Variants in CEP43 observed in about 807,000 individuals in gnomAD.
CEP43 encodes FGFR1 oncogene partner.
Under a neutral mutation model 52.6 loss-of-function variants are expected in CEP43, and 36 were observed. The ratio of observed to expected loss-of-function variants is 0.68; its 90% confidence interval spans 0.52 to 0.90. The LOEUF is 0.90. CEP43 is among the 40% of genes least tolerant of loss of function. The pLI is 0.00. For synonymous variants in CEP43, 192 were observed against 172.4 expected (o/e 1.11, Z -0.89); for missense variants, 506 against 472.8 (o/e 1.07, Z -0.65).
At chr6:167,023,783 G>C (rs1218737672) in intron 8 of CEP43, among the ~76,000 whole-genome samples, 1 of 152,150 alleles carries the variant, frequency 6.6e-6, no homozygotes, top group African/African-American at 2.4e-5. Context: ...GTATGATGCC[G>C]TTGGATTTAG....
chr6:167,024,058 TGTAAG>T (rs1780298515), intron 8 of CEP43, among the ~76,000 whole-genome samples: 1 of 152,030 alleles, frequency 6.6e-6, no homozygotes, highest in African/African-American at 2.4e-5. Flanking sequence ...GAATTAATGA[TGTAAG>T]GGAGTGAGAG....
At chr6:167,034,000 G>T in intron 12 of CEP43, 29 bp downstream of exon 12, 1 of 1,117,906 alleles carries the variant, frequency 8.9e-7, no homozygotes, top group Non-Finnish European at 1.3e-6. Flanking sequence ...CCCATAGAGT[G>T]CTTTTTTTTT....
At chr6:167,007,776 C>A (rs1431038217) in intron 5 of CEP43, among the ~76,000 whole-genome samples, 1 of 152,190 alleles carries the variant, frequency 6.6e-6, no homozygotes, top group Non-Finnish European at 1.5e-5. Flanking sequence ...CTGTGCCCCA[C>A]CCGCTTTAAC....
At chr6:167,037,338 A>C (rs935931998) in intron 12 of CEP43, among the ~76,000 whole-genome samples, 2 of 146,164 alleles carry the variant, frequency 1.4e-5, no homozygotes, top group African/African-American at 4.8e-5. Context: ...TCTGTAGTTT[A>C]GCATTTGTAT....
intron 2 of CEP43, among the ~76,000 whole-genome samples, chr6:167,001,105 G>A (rs950481209): frequency 2.0e-5 from 3 of 152,178 alleles, no homozygotes; most frequent in African/African-American, 7.2e-5. Flanking sequence ...CCACAGGGAA[G>A]GTAGAAGCCA....
At chr6:167,014,605 C>G (rs759900802) in intron 7 of CEP43, among the ~76,000 whole-genome samples, 1 of 152,170 alleles carries the variant, frequency 6.6e-6, no homozygotes, top group African/African-American at 2.4e-5. Flanking sequence ...AAACTTAAAG[C>G]TTTTTAAAAA....
chr6:167,030,647 C>T (rs900425742), intron 10 of CEP43, among the ~76,000 whole-genome samples: 6 of 152,186 alleles, frequency 3.9e-5, no homozygotes, highest in Admixed American at 6.5e-5. Flanking sequence ...ATCATCTACC[C>T]GTCTGTCTTA....
At chr6:167,028,428 A>C in intron 10 of CEP43, 1 of 985,070 alleles carries the variant, frequency 1.0e-6, no homozygotes, top group Non-Finnish European at 1.2e-6. Flanking sequence ...GAGAACTACC[A>C]GTTCACTAGC....
At position 167,013,558 on chromosome 6, in the gene CEP43, T is replaced by C; in HGVS notation, c.570T>C (p.Ala190=). Residue 190 remains alanine (A), a synonymous_variant, in exon 7 of 13, where the codon GCT becomes GCC. Transcript: ENST00000366847. ...QGKKKTSGQK[A]GDKKANDEAN... The stretch of plus-strand genomic sequence containing the variant: ...AGAAGAAGACAAGCGGGCAGAAGGC[T>C]GGTGACAAGGTAACATGCATGAGGG... 1 of 1,613,840 alleles carries C rather than the reference T, an allele frequency of 6.2e-7. No homozygotes were observed. The highest frequency in any genetic ancestry group is 8.5e-7 in the Non-Finnish European group (1 of 1,179,768).
intron 5 of CEP43, among the ~76,000 whole-genome samples, chr6:167,004,771 A>G (rs1779814203): frequency 6.6e-6 from 1 of 152,246 alleles, no homozygotes. Flanking sequence ...ATAAGCCAAC[A>G]GAAGCACTCA....
chr6:167,035,727 C>T (rs138609759), intron 12 of CEP43, among the ~76,000 whole-genome samples: 39 of 152,242 alleles, frequency 2.6e-4, no homozygotes, highest in African/African-American at 9.1e-4. Flanking sequence ...CCACCACGCC[C>T]AGCTGATTTT....
intron 7 of CEP43, among the ~76,000 whole-genome samples, chr6:167,016,588 A>G (rs1355858287): frequency 6.6e-6 from 1 of 152,056 alleles, no homozygotes; most frequent in Non-Finnish European, 1.5e-5. Context: ...TAAAACTAAC[A>G]TGTATTGAGA....
intron 10 of CEP43, among the ~76,000 whole-genome samples, chr6:167,032,107 C>A (rs1050124686): frequency 2.0e-5 from 3 of 152,212 alleles, no homozygotes; most frequent in Non-Finnish European, 4.4e-5. Flanking sequence ...TCCCAGGTCA[C>A]AGAGCTGTTG....
intron 7 of CEP43, among the ~76,000 whole-genome samples, chr6:167,020,402 G>C (rs909183025): frequency 1.3e-5 from 2 of 152,174 alleles, no homozygotes; most frequent in African/African-American, 4.8e-5. Context: ...AATGCATTCT[G>C]TCTGTACCCA....
chr6:167,024,158 T>C (rs187734142), intron 8 of CEP43, among the ~76,000 whole-genome samples: 1 of 152,192 alleles, frequency 6.6e-6, no homozygotes, highest in Non-Finnish European at 1.5e-5. Flanking sequence ...GGTCTCATTG[T>C]AGGCAGGGGG....
chr6:167,004,547 C>A, intron 5 of CEP43, 146 bp downstream of exon 5: 3 of 594,490 alleles, frequency 5.0e-6, no homozygotes, highest in Non-Finnish European at 7.9e-6. Flanking sequence ...CAGATTGTAT[C>A]AATGCAAATT....
At chr6:167,013,029 G>A (rs1013414508) in intron 6 of CEP43, among the ~76,000 whole-genome samples, 5 of 152,138 alleles carry the variant, frequency 3.3e-5, no homozygotes, top group African/African-American at 7.2e-5. Flanking sequence ...TTTCCCTACC[G>A]TCTTCTTGCT....
intron 4 of CEP43, 56 bp downstream of exon 4, chr6:167,003,867 A>G: frequency 9.6e-7 from 1 of 1,042,414 alleles, no homozygotes; most frequent in Non-Finnish European, 1.5e-6. Context: ...AAATGAGTTA[A>G]TATTAAGCTG....
rs1780262154 is a variant in CEP43, at chr6:167,022,594, C to T, written c.765C>T (p.Phe255=). Residue 255 remains phenylalanine (F), a synonymous_variant, in exon 8 of 13, where the codon TTC becomes TTT. Transcript: ENST00000366847. ...AAGATGATATGGAAGGAGATTCTTT[C>T]TTTGATGATCCCATTCCTAAGCCAG... ...PDEDDMEGDS[F]FDDPIPKPEK... is the part of the protein sequence containing the mutation. 2 of 1,613,922 alleles carry T rather than the reference C, an allele frequency of 1.2e-6. No homozygotes were observed. The highest frequency in any genetic ancestry group is 2.2e-5 in the South Asian group (2 of 91,074).
Sources: allele counts gnomAD v4.1 joint callset (sites outside exome capture counted in the v4.1 genomes callset), GRCh38; gene constraint gnomAD v4.1.1; transcripts MANE v1.5; gene names NCBI Gene and HGNC (gene_info 2026-07-23, HGNC 2026-07-21).